The following BCAS3 variants were observed in gnomAD, a reference collection of about 807,000 sequenced individuals.
BCAS3 encodes the protein BCAS4/BCAS3 fusion.
In BCAS3, 53 loss-of-function variants were observed where a neutral mutation model predicts 116.1. The ratio of observed to expected loss-of-function variants is 0.46; its 90% CI spans 0.37 to 0.57. The LOEUF (loss-of-function observed/expected upper bound fraction) is 0.57. BCAS3 is among the 20% of genes least tolerant of loss of function. The pLI is 0.00. For missense variants in BCAS3, 917 were observed against 1,165.4 expected (o/e 0.79, Z 3.10); for synonymous variants, 391 against 408.2 (o/e 0.96, Z 0.51).
intron 22 of BCAS3, among the ~76,000 whole-genome samples, chr17:61,197,248 T>C (rs1421740778): frequency 6.6e-6 from 1 of 152,166 alleles, no homozygotes; most frequent in Admixed American, 6.5e-5. Flanking sequence ...TTGTTCTCAT[T>C]ATCTAGAAAA....
intron 7 of BCAS3, among the ~76,000 whole-genome samples, chr17:60,816,030 G>A (rs988487684): frequency 5.8e-4 from 88 of 152,200 alleles, no homozygotes; most frequent in African/African-American, 2.0e-3. Flanking sequence ...GGAATCATAT[G>A]TACTGTACCT....
chr17:60,710,620 A>G (rs1216581935), intron 5 of BCAS3, among the ~76,000 whole-genome samples: 3 of 151,694 alleles, frequency 2.0e-5, no homozygotes, highest in East Asian at 3.9e-4. Flanking sequence ...TTTAGTACAG[A>G]TGGGGTTTCA....
At chr17:60,813,794 A>G (rs1180994239) in intron 7 of BCAS3, among the ~76,000 whole-genome samples, 1 of 152,038 alleles carries the variant, frequency 6.6e-6, no homozygotes, top group South Asian at 2.1e-4. Context: ...TCCTTTCCCC[A>G]TTGCTTGTCA....
At chr17:61,107,082 C>CTTTTTTTTTTTTTTT (rs755754824) in intron 22 of BCAS3, among the ~76,000 whole-genome samples, 1 of 106,388 alleles carries the variant, frequency 9.4e-6, no homozygotes, top group Non-Finnish European at 1.7e-5. Flanking sequence ...ACTAGGCTTA[C>CTTTTTTTTTTTTTTT]TTTTTTTTTT....
At chr17:61,121,975 G>A (rs2075816069) in intron 22 of BCAS3, among the ~76,000 whole-genome samples, 1 of 152,138 alleles carries the variant, frequency 6.6e-6, no homozygotes, top group South Asian at 2.1e-4. Flanking sequence ...TGATCCACCC[G>A]CCTCATCCTC....
chr17:61,260,418 G>A (rs1019612244), intron 22 of BCAS3, among the ~76,000 whole-genome samples: 9 of 152,216 alleles, frequency 5.9e-5, no homozygotes, highest in Non-Finnish European at 1.5e-5. Flanking sequence ...TAGAAAATGA[G>A]AGAGTTGGCA....
Position 61,162,368 on chromosome 17 carries a change from GT to G in BCAS3, c.2425+77807del, listed in dbSNP as rs1181999222. On this transcript the variant is annotated intron_variant, in intron 22 of 23. Coordinates refer to ENST00000407086, the MANE Select transcript of BCAS3 (RefSeq NM_017679.5). This position sits in a 1 kb window ranked among gnomAD's most constrained non-coding sequence, Gnocchi z 5.6. Reference sequence around the variant, plus strand: ...TGGAAGGGGTGTTCCTGCCAGCTGGGTTTCTTTGCATTCCCAACAGAAGGTT... The same window carrying G: ...TGGAAGGGGTGTTCCTGCCAGCTGGGTTCTTTGCATTCCCAACAGAAGGTT... Among the ~76,000 whole-genome samples the G allele has an allele frequency of 1.5e-4, 23 of 152,170 alleles. No homozygotes were observed. Among genetic ancestry groups the G allele is most frequent in the Non-Finnish European group, 2.5e-4 (17 of 68,026 alleles).
chr17:60,681,843 C>T (rs1300377458), intron 2 of BCAS3, among the ~76,000 whole-genome samples: 3 of 152,164 alleles, frequency 2.0e-5, no homozygotes, highest in Non-Finnish European at 4.4e-5. Flanking sequence ...GATTCTCCTG[C>T]CTCAGCCTCC....
At chr17:61,052,193 A>G (rs79715940) in intron 19 of BCAS3, among the ~76,000 whole-genome samples, 133 of 151,988 alleles carry the variant, frequency 8.8e-4, no homozygotes, top group Non-Finnish European at 1.6e-3. Context: ...TACGTTGACC[A>G]CTTGGTACTT....
intron 7 of BCAS3, among the ~76,000 whole-genome samples, chr17:60,850,349 T>TG (rs2052990288): frequency 7.8e-6 from 1 of 128,910 alleles, no homozygotes; most frequent in East Asian, 2.2e-4. Flanking sequence ...ACCACTGTTT[T>TG]TTTTTTTTTT....
chr17:60,914,885 A>G (rs1007464538), intron 12 of BCAS3, among the ~76,000 whole-genome samples: 1 of 152,202 alleles, frequency 6.6e-6, no homozygotes, highest in African/African-American at 2.4e-5. Flanking sequence ...ATAGTAGGCT[A>G]TTAGTAGTTA....
At position 61,285,231 on chromosome 17, in the gene BCAS3, T is replaced by TTGTG. The variant is rs371178241; in HGVS notation, c.2426-83072_2426-83069dup. 0.018 allele frequency among the ~76,000 whole-genome samples: 2,501 copies of TTGTG among 140,072 alleles called. 36 individuals carry two copies. Among genetic ancestry groups the TTGTG allele is most frequent in the East Asian group, 0.055 (275 of 5,032 alleles). The allele number at this position is 140,072 out of a possible 152,430, so 91.9% of individuals were successfully genotyped here. A position where few individuals can be genotyped will look rare whatever the true frequency, so the allele number is the denominator to read the frequency against. ...GTTTTGCTTTTCCCCTCCTCCTAGG[T>TTGTG]TGTGTGTGTGTGTGTGTGTGTGTGT... is the stretch of plus-strand genomic sequence containing the variant. On this transcript the variant is annotated intron_variant, in intron 22 of 23. Coordinates refer to ENST00000407086, the MANE Select transcript of BCAS3 (RefSeq NM_017679.5). The surrounding 1 kb of genome is among the most constrained non-coding windows in gnomAD (Gnocchi z 5.4).
At position 61,222,844 on chromosome 17, in the gene BCAS3, C is replaced by T. The variant is rs2082182224; in HGVS notation, c.2425+138280C>T. Among the ~76,000 whole-genome samples the T allele has an allele frequency of 6.6e-6, 1 of 152,146 alleles. No individual in the cohort carries two copies. Among genetic ancestry groups the T allele is most frequent in the African/African-American group, 2.4e-5 (1 of 41,442 alleles). ...CTGCCTTGAATGAAATTATCTGCTG[C>T]TGCTCTGGGCTTGTGATTTCCTTTG... On this transcript the variant is annotated intron_variant, in intron 22 of 23. Transcript: ENST00000407086. The surrounding 1 kb of genome is among the most constrained non-coding windows in gnomAD (Gnocchi z 6.1).
chr17:60,866,181 G>A (rs1894273790), intron 7 of BCAS3, among the ~76,000 whole-genome samples: 3 of 151,612 alleles, frequency 2.0e-5, no homozygotes, highest in African/African-American at 7.3e-5. Context: ...GCCTAGGCTG[G>A]AGTGCAGTGA....
At chr17:60,859,045 G>A (rs2033182405) in intron 7 of BCAS3, among the ~76,000 whole-genome samples, 1 of 151,468 alleles carries the variant, frequency 6.6e-6, no homozygotes, top group Admixed American at 6.6e-5. Flanking sequence ...TAGAGCTAAT[G>A]TAAGCTTAGC....
At chr17:61,050,863 A>G (rs1199119665) in intron 19 of BCAS3, among the ~76,000 whole-genome samples, 1 of 152,026 alleles carries the variant, frequency 6.6e-6, no homozygotes, top group African/African-American at 2.4e-5. Context: ...GGACCAATAT[A>G]GGGAATCTTC....
At chr17:61,328,177 A>G (rs1272354380) in intron 22 of BCAS3, among the ~76,000 whole-genome samples, 1 of 152,168 alleles carries the variant, frequency 6.6e-6, no homozygotes, top group Non-Finnish European at 1.5e-5. Context: ...AAACCTTAAT[A>G]ACATTTTTAA....
chr17:60,979,326 A>G (rs1404811971), intron 14 of BCAS3, among the ~76,000 whole-genome samples: 1 of 147,578 alleles, frequency 6.8e-6, no homozygotes, highest in African/African-American at 2.5e-5. Context: ...GTGTATAAGA[A>G]TGCTTGTGAT....
chr17:60,770,914 C>G (rs943049928), intron 6 of BCAS3, among the ~76,000 whole-genome samples: 5 of 125,784 alleles, frequency 4.0e-5, no homozygotes, highest in African/African-American at 1.4e-4. Context: ...GTGGCACGAT[C>G]TTGGCTCACT....
Sources: gnomAD v4.1 joint callset for allele counts (sites outside exome capture counted in the v4.1 genomes callset) on GRCh38, gnomAD v4.1.1 for gene constraint, Gnocchi (gnomAD v3.1) non-coding constraint, MANE v1.5 for transcripts, NCBI Gene and HGNC (gene_info 2026-07-23, HGNC 2026-07-21) for gene names.